Variants in ZNF487 observed in about 807,000 individuals in gnomAD.
The protein encoded by ZNF487 is zinc finger protein 487.
ZNF487 carries 4 observed loss-of-function variants against 3.0 expected under a neutral mutation model. That is an observed-to-expected ratio of 1.35 (90% CI 0.66 to 3.08). The LOEUF (loss-of-function observed/expected upper bound fraction) is 3.08, where lower values mean the gene tolerates loss of function less well. Among genes scored for constraint, ZNF487 ranks in the 30% most tolerant of loss-of-function variants. The probability of loss-of-function intolerance (pLI) is 0.01; values close to 1 mark genes in which losing one functional copy is unlikely to be tolerated. For synonymous variants in ZNF487, 55 were observed against 34.6 expected (o/e 1.59, Z -2.06); for missense variants, 146 against 98.7 (o/e 1.48, Z -2.03).
intron 1 of ZNF487, among the ~76,000 whole-genome samples, chr10:43,460,785 C>G (rs1840404350): frequency 6.6e-6 from 1 of 151,846 alleles, no homozygotes; most frequent in Non-Finnish European, 1.5e-5. Context: ...CTTTGCCTCC[C>G]GAGTTCAAGC....
intron 1 of ZNF487, among the ~76,000 whole-genome samples, chr10:43,442,785 G>A (rs936304058): frequency 6.6e-6 from 1 of 152,116 alleles, no homozygotes; most frequent in Non-Finnish European, 1.5e-5. Context: ...CAGGGTACAA[G>A]TTGTGTTCAG....
Position 43,449,736 on chromosome 10 carries a change from G to A in ZNF487, c.-94+12474G>A, listed in dbSNP as rs547852207. Among the ~76,000 whole-genome samples the A allele has an allele frequency of 2.0e-5, 3 of 150,544 alleles. No individual in the cohort carries two copies. In the East Asian group the frequency reaches 5.9e-4, roughly 30 times the overall value. On this transcript the variant is annotated intron_variant, in intron 1 of 3. Transcript: ENST00000437590. ...ACTCTGTCGCCCAGTCTGGAGTGCA[G>A]TGGCACTATTTCAGCTCACTGTAAC...
chr10:43,462,338 T>C (rs1404190770), intron 1 of ZNF487, among the ~76,000 whole-genome samples: 1 of 152,196 alleles, frequency 6.6e-6, no homozygotes, highest in African/African-American at 2.4e-5. Context: ...CACCTCGTTT[T>C]ATTGTCCCTT....
chr10:43,493,695 G>GAAA, the ZNF487 span, among the ~76,000 whole-genome samples: 13 of 41,272 alleles, frequency 3.1e-4, no homozygotes, highest in Non-Finnish European at 4.5e-4. Context: ...CTCAAAAAAA[G>GAAA]AAAAAAAAAA....
chr10:43,448,187 C>T (rs1839880839), intron 1 of ZNF487, among the ~76,000 whole-genome samples: 1 of 151,756 alleles, frequency 6.6e-6, no homozygotes, highest in Non-Finnish European at 1.5e-5. Context: ...GACGGGGTTT[C>T]ACCGTGTTGG....
chr10:43,462,291 C>T (rs543415115), intron 1 of ZNF487, among the ~76,000 whole-genome samples: 23 of 152,038 alleles, frequency 1.5e-4, no homozygotes, highest in Non-Finnish European at 2.5e-4. Flanking sequence ...AACCCTCTTA[C>T]GTGGCTTTCT....
At chr10:43,473,276 T>C (rs1312805061) in intron 1 of ZNF487, among the ~76,000 whole-genome samples, 1 of 150,802 alleles carries the variant, frequency 6.6e-6, no homozygotes, top group East Asian at 2.0e-4. Flanking sequence ...TTAGTAGATA[T>C]GGGGTTTCAC....
chr10:43,493,702 AAAAAAAAATATATAT>A, the ZNF487 span, among the ~76,000 whole-genome samples: 1 of 82,950 alleles, frequency 1.2e-5, no homozygotes, highest in African/African-American at 5.3e-5. Flanking sequence ...AAAGAAAAAA[AAAAAAAAATATATAT>A]ATATATATAT....
At chr10:43,504,865 C>A in the ZNF487 span, among the ~76,000 whole-genome samples, 1 of 151,876 alleles carries the variant, frequency 6.6e-6, no homozygotes, top group African/African-American at 2.4e-5. Context: ...TGCCACCACG[C>A]CTGGCTAATT....
At chr10:43,489,942 C>T in the ZNF487 span, among the ~76,000 whole-genome samples, 2 of 152,050 alleles carry the variant, frequency 1.3e-5, no homozygotes, top group African/African-American at 2.4e-5. Flanking sequence ...CATACAAATG[C>T]CCCAAATATC....
chr10:43,487,876 G>C (rs1841483427), downstream of ZNF487, among the ~76,000 whole-genome samples: 1 of 149,048 alleles, frequency 6.7e-6, no homozygotes, highest in East Asian at 2.0e-4. Context: ...CCTGAGGTCA[G>C]GAGTTCGAGA....
At chr10:43,454,937 C>CG (rs542965935) in intron 1 of ZNF487, among the ~76,000 whole-genome samples, 2 of 85,426 alleles carry the variant, frequency 2.3e-5, no homozygotes, top group African/African-American at 4.7e-5. Flanking sequence ...GACCTTGTCT[C>CG]AAAAAAAAAA....
the ZNF487 span, among the ~76,000 whole-genome samples, chr10:43,498,993 G>A: frequency 6.6e-6 from 1 of 151,934 alleles, no homozygotes; most frequent in African/African-American, 2.4e-5. Flanking sequence ...TTTCTTTGGT[G>A]AGTAATACTT....
At chr10:43,459,575 T>A (rs1331980437) in intron 1 of ZNF487, among the ~76,000 whole-genome samples, 3 of 151,620 alleles carry the variant, frequency 2.0e-5, no homozygotes, top group South Asian at 2.1e-4. Flanking sequence ...ATTGAACTTT[T>A]AAAAAAAAAT....
At chr10:43,451,313 T>C (rs1352920261) in intron 1 of ZNF487, among the ~76,000 whole-genome samples, 1 of 151,568 alleles carries the variant, frequency 6.6e-6, no homozygotes, top group African/African-American at 2.4e-5. Flanking sequence ...TGGTGCGATC[T>C]CAGCTCACTG....
Position 43,461,328 on chromosome 10 carries a change from T to A in ZNF487, c.-93-14393T>A, listed in dbSNP as rs1486776056. Reference sequence around the variant, plus strand: ...GGCCCAGTCTTTTGTTTTTTTTTTTTTTTTTTGAGACAAGGTCTTGCTCTG... The same window carrying A: ...GGCCCAGTCTTTTGTTTTTTTTTTTATTTTTTGAGACAAGGTCTTGCTCTG... On this transcript the variant is annotated intron_variant, in intron 1 of 3. Transcript: ENST00000437590. Among the ~76,000 whole-genome samples the A allele has an allele frequency of 1.5e-4, 11 of 71,362 alleles. No individual in the cohort carries two copies. The East Asian group carries it at 5.6e-3, about 36-fold the overall frequency. The allele number at this position is 71,362 out of a possible 152,430, so 46.8% of individuals were successfully genotyped here.
chr10:43,499,161 A>G, the ZNF487 span, among the ~76,000 whole-genome samples: 3 of 152,212 alleles, frequency 2.0e-5, no homozygotes, highest in African/African-American at 7.2e-5. Context: ...GCAAAACACT[A>G]TCACTTTCAA....
chr10:43,436,923 G>A (rs574601190), upstream of ZNF487: 9 of 468,346 alleles, frequency 1.9e-5, no homozygotes, highest in East Asian at 6.3e-4. Flanking sequence ...GTGTCTTCCT[G>A]AAGAAGGCTG....
downstream of ZNF487, among the ~76,000 whole-genome samples, chr10:43,485,893 T>C (rs893821271): frequency 6.6e-5 from 10 of 152,254 alleles, no homozygotes; most frequent in East Asian, 1.9e-4. Context: ...TCATTTTTTT[T>C]CCCCATTTAG....
Sources: allele counts gnomAD v4.1 joint callset (sites outside exome capture counted in the v4.1 genomes callset), GRCh38; gene constraint gnomAD v4.1.1; transcripts MANE v1.5; gene names NCBI Gene and HGNC (gene_info 2026-07-23, HGNC 2026-07-21).